The following IL16 variants were observed in gnomAD, a reference collection of about 807,000 sequenced individuals.
The protein encoded by IL16 is pro-interleukin-16.
A neutral mutation model predicts 110.1 loss-of-function variants in IL16; 67 were observed. The observed-to-expected ratio is 0.61, with a 90% CI of 0.50 to 0.75. The LOEUF is 0.75. Ranked by LOEUF, IL16 falls within the 30% of genes least tolerant of loss-of-function variation. The pLI, the probability that IL16 is intolerant of heterozygous loss-of-function variation, is 0.00. For missense variants in IL16, 1,545 were observed against 1,655.0 expected (o/e 0.93, Z 1.15); for synonymous variants, 689 against 662.9 (o/e 1.04, Z -0.61).
intron 8 of IL16, 137 bp downstream of exon 8, chr15:81,279,911 G>T (rs889137763): frequency 7.1e-6 from 5 of 705,130 alleles, no homozygotes; most frequent in Non-Finnish European, 1.2e-5. Context: ...ACTGCTTGGA[G>T]CCAGGTCGAG....
At chr15:81,248,499 A>T (rs959165419) in intron 2 of IL16, among the ~76,000 whole-genome samples, 3 of 149,268 alleles carry the variant, frequency 2.0e-5, no homozygotes, top group Non-Finnish European at 4.5e-5. Context: ...TATTATATTT[A>T]AAATTATTAA....
At chr15:81,254,569 A>G (rs143986604) in intron 2 of IL16, among the ~76,000 whole-genome samples, 1 of 152,248 alleles carries the variant, frequency 6.6e-6, no homozygotes, top group African/African-American at 2.4e-5. Context: ...CTACCCAGGT[A>G]ATTACGGGGT....
At chr15:81,287,136 A>G (rs910997223) in intron 10 of IL16, among the ~76,000 whole-genome samples, 1 of 152,224 alleles carries the variant, frequency 6.6e-6, no homozygotes, top group Non-Finnish European at 1.5e-5. Flanking sequence ...ACATGAGGCA[A>G]TGCTTGGGAA....
intron 16 of IL16, among the ~76,000 whole-genome samples, chr15:81,305,560 A>AATC (rs1468960297): frequency 6.6e-6 from 1 of 152,186 alleles, no homozygotes; most frequent in Non-Finnish European, 1.5e-5. Context: ...TATGCCATAG[A>AATC]ATCAGTGCCT....
In IL16 at chr15:81,197,169, C is replaced by T. The variant is rs1049511410; in HGVS notation, c.-102+17C>T. 5 of 1,286,066 alleles carry T rather than the reference C, an allele frequency of 3.9e-6. No homozygotes were observed. The highest frequency in any genetic ancestry group is 2.3e-5 in the Admixed American group (1 of 43,254). 79.7% of individuals were successfully genotyped at this position (1,286,066 alleles called of 1,614,324 possible). A position where few individuals can be genotyped will look rare whatever the true frequency, so the allele number is the denominator to read the frequency against. ...GGGCACCAGGTGAGTGAATGTCTGT[C>T]AGGCAGCTGCTCTGTCCAGGTGGCC... is the stretch of plus-strand genomic sequence containing the variant. On this transcript the variant is annotated intron_variant, in intron 1 of 18. Coordinates refer to ENST00000683961, the MANE Select transcript of IL16 (RefSeq NM_172217.5).
chr15:81,215,452 A>G (rs181905990), intron 1 of IL16, among the ~76,000 whole-genome samples: 67 of 152,320 alleles, frequency 4.4e-4, no homozygotes, highest in African/African-American at 1.6e-3. Flanking sequence ...GTGATGGCCA[A>G]TAGCTAGGCT....
At chr15:81,224,613 T>G (rs1224829303) in intron 1 of IL16, among the ~76,000 whole-genome samples, 1 of 152,244 alleles carries the variant, frequency 6.6e-6, no homozygotes, top group Non-Finnish European at 1.5e-5. Context: ...TGTTATGTGC[T>G]CATCCCTTTG....
chr15:81,279,959 C>T (rs1400474987), intron 8 of IL16, among the ~76,000 whole-genome samples, 185 bp downstream of exon 8: 2 of 152,152 alleles, frequency 1.3e-5, no homozygotes, highest in African/African-American at 2.4e-5. Context: ...ACCATTCGAA[C>T]CTAGTCAATG....
At chr15:81,235,445 G>GA (rs1897148232) in intron 2 of IL16, among the ~76,000 whole-genome samples, 5 of 152,194 alleles carry the variant, frequency 3.3e-5, no homozygotes, top group Admixed American at 3.3e-4. Flanking sequence ...GATCTCATGT[G>GA]AACTCATGAC....
In IL16 at chr15:81,306,008, C is replaced by T. The variant is rs762883223; in HGVS notation, c.3521C>T (p.Thr1174Met). 91 of 1,614,104 alleles carry T rather than the reference C, an allele frequency of 5.6e-5. No homozygotes were observed. The highest frequency in any genetic ancestry group is 7.1e-5 in the Non-Finnish European group (84 of 1,180,050). ...AACGGCAAGTCTCTCAAGGGGACCACGCACCATGATGCCTTGGCCATCCTC... is the reference window on the plus strand; with the variant it reads ...AACGGCAAGTCTCTCAAGGGGACCATGCACCATGATGCCTTGGCCATCCTC... ...SINGKSLKGT[T>M]HHDALAILRQ... Residue 1174 changes from threonine to methionine, a missense_variant, in exon 17 of 19, where the codon ACG becomes ATG. Around this residue, in one of 3 missense-constraint regions of IL16, gnomAD observed 356 missense variants for 399.3 expected, o/e 0.89. Coordinates refer to ENST00000683961, the MANE Select transcript of IL16 (RefSeq NM_172217.5).
chr15:81,297,594 G>T (rs1470609113), intron 13 of IL16, among the ~76,000 whole-genome samples: 1 of 152,204 alleles, frequency 6.6e-6, no homozygotes, highest in Non-Finnish European at 1.5e-5. Context: ...TTGCTAGAGA[G>T]AGCATAGGAC....
At chr15:81,201,636 G>A (rs927864028) in intron 1 of IL16, among the ~76,000 whole-genome samples, 3 of 152,042 alleles carry the variant, frequency 2.0e-5, no homozygotes, top group Non-Finnish European at 2.9e-5. Context: ...GTTAAGTGGT[G>A]TATACAAATT....
intron 8 of IL16, among the ~76,000 whole-genome samples, chr15:81,282,423 G>A (rs926361166): frequency 6.6e-5 from 10 of 151,586 alleles, no homozygotes; most frequent in Admixed American, 2.0e-4. Context: ...TCCCTCCTTC[G>A]CTCCTTCCTT....
intron 4 of IL16, among the ~76,000 whole-genome samples, chr15:81,266,508 T>A (rs1298898407): frequency 1.3e-5 from 2 of 152,160 alleles, no homozygotes; most frequent in African/African-American, 2.4e-5. Context: ...TAAGCAGATA[T>A]AAAGCACAGT....
chr15:81,218,463 C>T (rs1330837431), intron 1 of IL16, among the ~76,000 whole-genome samples: 1 of 152,080 alleles, frequency 6.6e-6, no homozygotes, highest in Non-Finnish European at 1.5e-5. Flanking sequence ...AAAATTTCCA[C>T]CAGACATTTT....
At chr15:81,289,789 A>G in intron 10 of IL16, 1 of 324,854 alleles carries the variant, frequency 3.1e-6, no homozygotes, top group African/African-American at 2.1e-5. Flanking sequence ...TTTGATTTTC[A>G]CATAGTCCAA....
chr15:81,231,339 T>C (rs1380774391), intron 2 of IL16, among the ~76,000 whole-genome samples: 2 of 126,816 alleles, frequency 1.6e-5, no homozygotes, highest in Non-Finnish European at 3.4e-5. Context: ...TCTCTCTCTC[T>C]CTCTCTCTCT....
Position 81,269,545 on chromosome 15 carries a change from C to T in IL16, c.572C>T (p.Ser191Leu), listed in dbSNP as rs774442106. The T allele has an allele frequency of 7.4e-6, 12 of 1,613,212 alleles. No homozygotes were observed. Among genetic ancestry groups the T allele is most frequent in the African/African-American group, 1.3e-5 (1 of 74,910 alleles). Residue 191 changes from serine (S) to leucine (L), a missense_variant, in exon 5 of 19, where the codon TCG becomes TTG. By Grantham distance (145) the Ser-to-Leu change is moderately radical. Around this residue, in one of 3 missense-constraint regions of IL16, gnomAD observed 1,185 missense variants for 1,238.8 expected, o/e 0.96. Transcript: ENST00000683961. The part of the protein sequence containing the change: ...DCPAGKAAGT[S>L]RPTRSLSTAQ... ...TCTGGTTCCTTGTTGCAGGGAACTT[C>T]GAGACCAACACGGTCCCTGAGCACA...
chr15:81,283,608 C>T (rs756587955), intron 9 of IL16, among the ~76,000 whole-genome samples: 1 of 152,190 alleles, frequency 6.6e-6, no homozygotes, highest in Non-Finnish European at 1.5e-5. Flanking sequence ...ATAGAAAACA[C>T]ACTTTAATTA....
Sources: allele counts gnomAD v4.1 joint callset (sites outside exome capture counted in the v4.1 genomes callset), GRCh38; gene constraint gnomAD v4.1.1; regional missense constraint gnomAD v4.1.1; transcripts MANE v1.5; gene names NCBI Gene and HGNC (gene_info 2026-07-23, HGNC 2026-07-21).